SND1: variants seen among roughly 807,000 people sequenced by gnomAD.
SND1 encodes staphylococcal nuclease and tudor domain containing 1.
SND1 carries 38 observed loss-of-function variants against 121.7 expected under a neutral mutation model. The observed-to-expected ratio is 0.31, with a 90% confidence interval of 0.24 to 0.41. SND1 has a LOEUF of 0.41. SND1 is among the 10% of genes least tolerant of loss of function. The pLI, the probability that SND1 is intolerant of heterozygous loss-of-function variation, is 1.00. For missense variants in SND1, 868 were observed against 1,184.6 expected (o/e 0.73, Z 3.92); for synonymous variants, 401 against 447.4 (o/e 0.90, Z 1.31).
chr7:128,048,973 G>A (rs1258254946), intron 16 of SND1, among the ~76,000 whole-genome samples: 1 of 152,168 alleles, frequency 6.6e-6, no homozygotes, highest in African/African-American at 2.4e-5. Context: ...CTCCAAAAGA[G>A]CAGGACTGTT....
chr7:127,933,083 G>A (rs1563062692), intron 15 of SND1, among the ~76,000 whole-genome samples: 1 of 152,104 alleles, frequency 6.6e-6, no homozygotes, highest in Non-Finnish European at 1.5e-5. Flanking sequence ...ATTCTTCCTG[G>A]GAAACATGGC....
At chr7:127,658,822 A>G (rs1273799509) in intron 1 of SND1, among the ~76,000 whole-genome samples, 4 of 152,200 alleles carry the variant, frequency 2.6e-5, no homozygotes, top group Non-Finnish European at 5.9e-5. Context: ...AGCAAGTGAA[A>G]ATTGTGATTT....
At chr7:127,972,280 T>TGAGACAGA (rs1802011168) in intron 15 of SND1, among the ~76,000 whole-genome samples, 1 of 151,922 alleles carries the variant, frequency 6.6e-6, no homozygotes, top group Admixed American at 6.6e-5. Context: ...TTTGTTTTGT[T>TGAGACAGA]GAGACAGAGC....
At chr7:128,049,029 C>T (rs1230097392) in intron 16 of SND1, among the ~76,000 whole-genome samples, 2 of 152,150 alleles carry the variant, frequency 1.3e-5, no homozygotes, top group African/African-American at 4.8e-5. Context: ...GCAGCCTTGG[C>T]TATTTTGGCC....
chr7:127,945,700 A>T (rs1801315070), intron 15 of SND1, among the ~76,000 whole-genome samples: 1 of 152,040 alleles, frequency 6.6e-6, no homozygotes, highest in Middle Eastern at 3.2e-3. Context: ...TTTTTCACAG[A>T]ATAAGTGGTT....
intron 17 of SND1, 103 bp downstream of exon 17, chr7:128,074,793 G>A: frequency 2.6e-6 from 3 of 1,159,056 alleles, no homozygotes; most frequent in Non-Finnish European, 2.4e-6. Context: ...CATCCCCACA[G>A]AGTAGCCCAG....
chr7:127,955,098 T>C (rs1801561909), intron 15 of SND1, among the ~76,000 whole-genome samples: 1 of 152,202 alleles, frequency 6.6e-6, no homozygotes, highest in South Asian at 2.1e-4. Context: ...TTCCTCTCCT[T>C]TCTTGTTGAA....
rs562345009 is a variant in SND1 at position 127,961,638 on chromosome 7, G to A, written c.1670-29309G>A. Among the ~76,000 whole-genome samples the A allele has an allele frequency of 1.1e-3, 169 of 152,212 alleles. 1 individual carries two copies. The highest frequency in any genetic ancestry group is 1.7e-3 in the Non-Finnish European group (114 of 68,018). ...ATCAGCCTCATTTTCTTCTATTGCC[G>A]TCATCAGCTTCTGTTTGTTCTGATG... On this transcript the variant is annotated intron_variant, in intron 15 of 23. Transcript: ENST00000354725.
rs1796534280 is a variant in SND1 at position 127,723,623 on chromosome 7, G to A, written c.1152+2223G>A. Among the ~76,000 whole-genome samples, 3 of 152,266 alleles carry A rather than the reference G, an allele frequency of 2.0e-5. No homozygotes were observed. The South Asian group carries it at 6.2e-4, about 32-fold the overall frequency. On this transcript the variant is annotated intron_variant, in intron 10 of 23. Coordinates refer to ENST00000354725, the MANE Select transcript of SND1 (RefSeq NM_014390.4). The stretch of plus-strand genomic sequence containing the variant: ...GTGGTAGAAGGTACCCTGAAGAGTA[G>A]CCGGTTTTGGTGGGTGGTCTGGGTG...
At chr7:127,748,970 C>G (rs1450626920) in intron 10 of SND1, among the ~76,000 whole-genome samples, 1 of 152,024 alleles carries the variant, frequency 6.6e-6, no homozygotes, top group Non-Finnish European at 1.5e-5. Context: ...CTGTGCACCC[C>G]CCATGAAGTC....
chr7:127,874,727 C>T (rs189659299), intron 12 of SND1, among the ~76,000 whole-genome samples: 26 of 152,176 alleles, frequency 1.7e-4, no homozygotes, highest in African/African-American at 4.6e-4. Flanking sequence ...CAGACATTTT[C>T]GAATCATTTC....
chr7:128,032,410 A>G (rs1194392661), intron 16 of SND1, among the ~76,000 whole-genome samples: 3 of 151,160 alleles, frequency 2.0e-5, no homozygotes, highest in Non-Finnish European at 3.0e-5. Flanking sequence ...GTGAGCGTCA[A>G]GTGAGGGGCC....
intron 16 of SND1, chr7:127,998,159 G>A (rs541543838): frequency 9.2e-5 from 32 of 349,574 alleles, no homozygotes; most frequent in African/African-American, 6.8e-4. Flanking sequence ...CTAGAGAATG[G>A]GAAGAAGGCC....
At chr7:128,050,961 A>G (rs1201452954) in intron 16 of SND1, among the ~76,000 whole-genome samples, 4 of 152,108 alleles carry the variant, frequency 2.6e-5, no homozygotes, top group Non-Finnish European at 4.4e-5. Flanking sequence ...GACTCCACCA[A>G]ATCCACCGCT....
intron 10 of SND1, among the ~76,000 whole-genome samples, chr7:127,739,447 G>T (rs1189126924): frequency 1.3e-5 from 2 of 152,002 alleles, no homozygotes; most frequent in African/African-American, 4.8e-5. Context: ...GCTTTCTGAG[G>T]CCCAGACAAC....
At chr7:127,773,639 T>C (rs1436438475) in intron 10 of SND1, among the ~76,000 whole-genome samples, 1 of 152,184 alleles carries the variant, frequency 6.6e-6, no homozygotes, top group African/African-American at 2.4e-5. Flanking sequence ...TGTGGAAGAA[T>C]AGATACTTCT....
chr7:127,706,184 C>A (rs1198187154), intron 8 of SND1, among the ~76,000 whole-genome samples: 1 of 151,808 alleles, frequency 6.6e-6, no homozygotes, highest in Non-Finnish European at 1.5e-5. Context: ...TTCAGAGAAT[C>A]CTGTTATGTT....
intron 10 of SND1, 33 bp downstream of exon 10, chr7:127,721,433 A>C (rs771403806): frequency 7.8e-7 from 1 of 1,275,388 alleles, no homozygotes; most frequent in Non-Finnish European, 1.1e-6. Flanking sequence ...GCCTCTTTGC[A>C]TAAACCAAAA....
intron 10 of SND1, among the ~76,000 whole-genome samples, chr7:127,769,153 C>T (rs1387678547): frequency 6.6e-6 from 1 of 152,094 alleles, no homozygotes; most frequent in African/African-American, 2.4e-5. Context: ...GGTCTTGATA[C>T]TGCTGGTAAA....
Sources: gnomAD v4.1 joint callset for allele counts (sites outside exome capture counted in the v4.1 genomes callset) on GRCh38, gnomAD v4.1.1 for gene constraint, MANE v1.5 for transcripts, NCBI Gene and HGNC (gene_info 2026-07-23, HGNC 2026-07-21) for gene names.